The following ARHGEF4 variants were observed in gnomAD, a reference collection of about 807,000 sequenced individuals.
ARHGEF4 encodes Rho guanine nucleotide exchange factor 4, also known as APC-stimulated guanine nucleotide exchange factor 1.
A neutral mutation model predicts 162.0 loss-of-function variants in ARHGEF4; 119 were observed. That is an observed-to-expected ratio of 0.73 (90% CI 0.63 to 0.86). The LOEUF (loss-of-function observed/expected upper bound fraction) is 0.86, where lower values mean the gene tolerates loss of function less well. Among genes scored for constraint, ARHGEF4 ranks in the 40% least tolerant of loss-of-function variants. ARHGEF4 has a pLI of 0.00. For synonymous variants in ARHGEF4, 1,014 were observed against 979.9 expected, an observed-to-expected ratio of 1.03 and a Z score of -0.65; for missense variants, 2,488 against 2,456.0, an observed-to-expected ratio of 1.01 and a Z score of -0.28.
chr2:130,990,462 A>G (rs1389863771), intron 4 of ARHGEF4, among the ~76,000 whole-genome samples: 1 of 152,172 alleles, frequency 6.6e-6, no homozygotes, highest in African/African-American at 2.4e-5. Flanking sequence ...CAATCCAGCT[A>G]GCATTTTGTG....
intron 1 of ARHGEF4, among the ~76,000 whole-genome samples, chr2:130,898,570 C>T (rs879298633): frequency 2.3e-4 from 35 of 152,122 alleles, no homozygotes; most frequent in Non-Finnish European, 5.0e-4. Flanking sequence ...GGCAGCAGCA[C>T]TGCTAGGTTG....
chr2:131,045,596 T>TAA (rs1691187997), intron 13 of ARHGEF4, 150 bp downstream of exon 13: 1 of 1,585,486 alleles, frequency 6.3e-7, no homozygotes, highest in African/African-American at 1.3e-5. Flanking sequence ...CAAAGGTTGG[T>TAA]AATAAGGGGC....
At chr2:131,023,706 C>T (rs1172162864) in intron 4 of ARHGEF4, among the ~76,000 whole-genome samples, 2 of 152,144 alleles carry the variant, frequency 1.3e-5, no homozygotes, top group African/African-American at 2.4e-5. Context: ...TTGGCAGTTT[C>T]TTAAAAGCTA....
At chr2:130,927,795 G>A (rs1351776053) in intron 2 of ARHGEF4, among the ~76,000 whole-genome samples, 1 of 152,156 alleles carries the variant, frequency 6.6e-6, no homozygotes, top group Non-Finnish European at 1.5e-5. Flanking sequence ...CCATTCAGAT[G>A]TCTTTGTTTT....
At chr2:130,912,327 C>A (rs1332683388) in intron 1 of ARHGEF4, among the ~76,000 whole-genome samples, 2 of 152,246 alleles carry the variant, frequency 1.3e-5, no homozygotes, top group African/African-American at 2.4e-5. Flanking sequence ...GGTTCCTTCA[C>A]TTCTCTCCTC....
At chr2:130,872,856 T>C (rs956693626) in intron 1 of ARHGEF4, among the ~76,000 whole-genome samples, 4 of 152,260 alleles carry the variant, frequency 2.6e-5, no homozygotes, top group Middle Eastern at 3.4e-3. Flanking sequence ...GGTCTCGTGG[T>C]CACCTGCCTG....
intron 1 of ARHGEF4, among the ~76,000 whole-genome samples, chr2:130,896,272 T>C (rs1680153684): frequency 6.6e-6 from 1 of 152,222 alleles, no homozygotes; most frequent in Non-Finnish European, 1.5e-5. Flanking sequence ...TGTAATGCCA[T>C]ATTCTTGTAA....
intron 1 of ARHGEF4, among the ~76,000 whole-genome samples, chr2:130,881,754 A>G (rs1213358686): frequency 6.6e-6 from 1 of 152,104 alleles, no homozygotes; most frequent in Non-Finnish European, 1.5e-5. Flanking sequence ...CGTGGGCGAG[A>G]TGGCGATCCA....
chr2:130,981,295 C>G (rs1214708679), intron 4 of ARHGEF4, among the ~76,000 whole-genome samples: 1 of 152,076 alleles, frequency 6.6e-6, no homozygotes, highest in Non-Finnish European at 1.5e-5. Context: ...CAAATAAATG[C>G]CTTCTACTAA....
intron 1 of ARHGEF4, chr2:130,837,673 C>G (rs1680290587): frequency 4.5e-6 from 2 of 440,702 alleles, no homozygotes; most frequent in South Asian, 3.2e-5. Flanking sequence ...GGGTGGCCGG[C>G]CACAGGTTGC....
Position 131,041,808 on chromosome 2 carries a change from G to A in ARHGEF4, c.4896-7G>A. On this transcript the variant is annotated splice_region_variant and splice_polypyrimidine_tract_variant and intron_variant, in intron 9 of 13. Transcript: ENST00000409359. The stretch of plus-strand genomic sequence containing the variant: ...TGCAGCAGCCTTCCATCTCTGTTCT[G>A]CCCCAGGGACTTCAAGGATGTTGAA... 1 of 1,612,670 alleles carries A rather than the reference G, an allele frequency of 6.2e-7. No individual in the cohort carries two copies.
intron 1 of ARHGEF4, among the ~76,000 whole-genome samples, chr2:130,911,244 C>G (rs1469173848): frequency 6.6e-6 from 1 of 152,164 alleles, no homozygotes; most frequent in Non-Finnish European, 1.5e-5. Context: ...CTGTTTCTTA[C>G]AGGAGACAGG....
chr2:130,989,232 A>T (rs1392273734), intron 4 of ARHGEF4, among the ~76,000 whole-genome samples: 1 of 152,174 alleles, frequency 6.6e-6, no homozygotes, highest in Non-Finnish European at 1.5e-5. Flanking sequence ...AAGTGCTGTG[A>T]TTACAGGCGT....
intron 1 of ARHGEF4, among the ~76,000 whole-genome samples, chr2:130,871,801 A>T (rs1174737682): frequency 6.6e-6 from 1 of 152,192 alleles, no homozygotes; most frequent in Non-Finnish European, 1.5e-5. Flanking sequence ...ACCCTCATTA[A>T]TGAAAAATCA....
chr2:131,041,708 G>C, intron 9 of ARHGEF4, 107 bp from the exon 10 acceptor site: 2 of 1,472,732 alleles, frequency 1.4e-6, no homozygotes, highest in Non-Finnish European at 1.8e-6. Context: ...TGTGGTCAAA[G>C]GGCACAGCCC....
intron 4 of ARHGEF4, among the ~76,000 whole-genome samples, chr2:130,975,315 A>G (rs1685633760): frequency 1.3e-5 from 2 of 152,098 alleles, no homozygotes; most frequent in African/African-American, 4.8e-5. Context: ...TGCCCCTCGG[A>G]GGGCTAGCTA....
intron 12 of ARHGEF4, 104 bp downstream of exon 12, chr2:131,044,646 T>C: frequency 2.8e-6 from 4 of 1,443,924 alleles, no homozygotes; most frequent in Non-Finnish European, 3.7e-6. Context: ...CCCTCTCAGG[T>C]TGCAGGGTGT....
chr2:131,045,234 A>G (rs1691145218), intron 12 of ARHGEF4, 135 bp from the exon 13 acceptor site: 6 of 832,404 alleles, frequency 7.2e-6, no homozygotes, highest in South Asian at 7.0e-5. Flanking sequence ...AGAATGGGCA[A>G]CAGTCCCCGC....
At chr2:130,868,075 G>A (rs1175493203) in intron 1 of ARHGEF4, among the ~76,000 whole-genome samples, 6 of 151,384 alleles carry the variant, frequency 4.0e-5, no homozygotes, top group South Asian at 2.1e-4. Flanking sequence ...ACAGGCGCCC[G>A]CCACCACGCC....
Sources: allele counts gnomAD v4.1 joint callset (sites outside exome capture counted in the v4.1 genomes callset), GRCh38; gene constraint gnomAD v4.1.1; transcripts MANE v1.5; gene names NCBI Gene and HGNC (gene_info 2026-07-23, HGNC 2026-07-21).